Variants in TMEFF2 observed in about 807,000 individuals in gnomAD.
The protein encoded by TMEFF2 is transmembrane protein with EGF like and two follistatin like domains 2.
Under a neutral mutation model 53.8 loss-of-function variants are expected in TMEFF2, and 28 were observed. The observed-to-expected ratio is 0.52, with a 90% CI of 0.39 to 0.71. The LOEUF is 0.71. TMEFF2 is among the 30% of genes least tolerant of loss of function. TMEFF2 has a pLI of 0.00. For missense variants in TMEFF2, 353 were observed against 455.2 expected, an observed-to-expected ratio of 0.78 and a Z score of 2.04; for synonymous variants, 162 against 166.3, an observed-to-expected ratio of 0.97 and a Z score of 0.20.
intron 4 of TMEFF2, among the ~76,000 whole-genome samples, chr2:192,167,287 A>G (rs1460526023): frequency 6.6e-6 from 1 of 152,058 alleles, no homozygotes; most frequent in African/African-American, 2.4e-5. Flanking sequence ...TGGAGTTAGG[A>G]AAAAAAATCT....
chr2:192,009,889 T>C (rs1056228358), intron 5 of TMEFF2, among the ~76,000 whole-genome samples: 1 of 152,206 alleles, frequency 6.6e-6, no homozygotes, highest in Non-Finnish European at 1.5e-5. Context: ...CACTGTACTT[T>C]ATCATTTAAA....
chr2:192,002,295 T>C lies in TMEFF2; in HGVS notation c.537-3087A>G, dbSNP rs149601230. ...TTGAGGTGAAAGTTTCCCTGGGATA[T>C]AAGCTTCAGGAATGCATGGATTATA... On this transcript the variant is annotated intron_variant, in intron 5 of 9. Coordinates refer to ENST00000272771, the MANE Select transcript of TMEFF2 (RefSeq NM_016192.4). Among the ~76,000 whole-genome samples the C allele has an allele frequency of 4.5e-3, 683 of 152,286 alleles. 4 individuals are homozygous for C. The highest frequency in any genetic ancestry group is 0.016 in the African/African-American group (660 of 41,548).
chr2:192,075,520 A>G (rs1453759969), intron 4 of TMEFF2, among the ~76,000 whole-genome samples: 2 of 151,234 alleles, frequency 1.3e-5, no homozygotes, highest in Non-Finnish European at 2.9e-5. Context: ...TACCTTCCCA[A>G]CTGACATCAA....
intron 4 of TMEFF2, among the ~76,000 whole-genome samples, chr2:192,171,458 G>A (rs564973359): frequency 1.2e-4 from 18 of 152,048 alleles, no homozygotes; most frequent in Non-Finnish European, 2.4e-4. Flanking sequence ...TCACCAGTCA[G>A]ATTACAACAT....
At chr2:192,086,003 C>T (rs994462880) in intron 4 of TMEFF2, among the ~76,000 whole-genome samples, 5 of 152,102 alleles carry the variant, frequency 3.3e-5, no homozygotes, top group African/African-American at 9.7e-5. Context: ...TCAATTCCCT[C>T]ATTAGGAAAA....
At chr2:191,953,865 C>T in intron 8 of TMEFF2, 28 bp from the exon 9 acceptor site, 1 of 1,440,656 alleles carries the variant, frequency 6.9e-7, no homozygotes. Flanking sequence ...GCCCAGTTAC[C>T]TGTAGGGTGC....
At chr2:192,130,422 C>T (rs1483603665) in intron 4 of TMEFF2, among the ~76,000 whole-genome samples, 1 of 152,102 alleles carries the variant, frequency 6.6e-6, no homozygotes. Flanking sequence ...CCATCGCATC[C>T]CCTGTGACTT....
rs979688553 is a variant in TMEFF2 at position 192,078,490 on chromosome 2, A to G, written c.440-20715T>C. ...TTAATTCTAGTAGTTGGATCTGGAC[A>G]GCAATAGAGAGTAAGAATTTTTACT... On this transcript the variant is annotated intron_variant, in intron 4 of 9. Transcript: ENST00000272771. 3.9e-5 allele frequency among the ~76,000 whole-genome samples: 6 copies of G among 152,194 alleles called. No homozygotes were observed. In the East Asian group the frequency reaches 1.2e-3, roughly 29 times the overall value.
At chr2:191,978,767 A>G (rs1457904683) in intron 7 of TMEFF2, among the ~76,000 whole-genome samples, 1 of 152,212 alleles carries the variant, frequency 6.6e-6, no homozygotes, top group African/African-American at 2.4e-5. Context: ...GTAGGGAAAC[A>G]TAACTCCCAC....
At chr2:192,046,614 C>T (rs1045227474) in intron 5 of TMEFF2, among the ~76,000 whole-genome samples, 1 of 152,040 alleles carries the variant, frequency 6.6e-6, no homozygotes, top group Non-Finnish European at 1.5e-5. Flanking sequence ...CTTCCTATTC[C>T]TTTGTTTCTC....
intron 7 of TMEFF2, among the ~76,000 whole-genome samples, chr2:191,978,233 C>T (rs1414069986): frequency 1.3e-5 from 2 of 152,076 alleles, no homozygotes; most frequent in Admixed American, 6.5e-5. Context: ...CTCAATTTAT[C>T]GAGAGGCAGG....
intron 5 of TMEFF2, among the ~76,000 whole-genome samples, chr2:192,049,201 C>A (rs563989080): frequency 6.6e-6 from 1 of 151,894 alleles, no homozygotes; most frequent in South Asian, 2.1e-4. Context: ...CTTATATACA[C>A]ACATAATTTA....
intron 9 of TMEFF2, among the ~76,000 whole-genome samples, chr2:191,953,050 T>C (rs1691936112): frequency 1.3e-5 from 2 of 152,236 alleles, no homozygotes; most frequent in African/African-American, 4.8e-5. Flanking sequence ...TTACCACTGG[T>C]TTGCATGCAA....
intron 8 of TMEFF2, 145 bp from the exon 9 acceptor site, chr2:191,953,982 G>T (rs1002269268): frequency 6.3e-6 from 4 of 634,584 alleles, no homozygotes; most frequent in Admixed American, 4.1e-5. Context: ...TCCGCCTCCG[G>T]GTTCACGCCA....
In TMEFF2 at chr2:192,003,758, T is replaced by C. The variant is rs147224854; in HGVS notation, c.537-4550A>G. On this transcript the variant is annotated intron_variant, in intron 5 of 9. Coordinates refer to ENST00000272771, the MANE Select transcript of TMEFF2 (RefSeq NM_016192.4). The stretch of plus-strand genomic sequence containing the variant: ...ATACACATACACACAAACACACAAA[T>C]GTATAGCTCAATGAACTCTACTGAA... 2.9e-3 allele frequency among the ~76,000 whole-genome samples: 435 copies of C among 152,296 alleles called. 8 individuals are homozygous for C. The highest frequency in any genetic ancestry group is 0.026 in the South Asian group (125 of 4,818).
chr2:192,140,609 G>A (rs530254740), intron 4 of TMEFF2, among the ~76,000 whole-genome samples: 14 of 152,204 alleles, frequency 9.2e-5, no homozygotes, highest in Admixed American at 6.5e-4. Flanking sequence ...GGGGGTGAAA[G>A]GTCGGTGAGG....
intron 4 of TMEFF2, among the ~76,000 whole-genome samples, chr2:192,172,369 GA>G (rs1188490962): frequency 1.3e-5 from 2 of 151,832 alleles, no homozygotes; most frequent in Non-Finnish European, 2.9e-5. Flanking sequence ...CACAAGTAAA[GA>G]AATGAAAAAC....
At chr2:192,023,101 ATT>A (rs1270424794) in intron 5 of TMEFF2, among the ~76,000 whole-genome samples, 1 of 151,724 alleles carries the variant, frequency 6.6e-6, no homozygotes, top group Non-Finnish European at 1.5e-5. Flanking sequence ...GATTTATGCT[ATT>A]TTCTGTTTTC....
At chr2:192,172,181 A>ATGGGCC (rs1185935777) in intron 4 of TMEFF2, among the ~76,000 whole-genome samples, 2 of 149,700 alleles carry the variant, frequency 1.3e-5, no homozygotes, top group Admixed American at 1.3e-4. Context: ...CCATCTTGAG[A>ATGGGCC]ACTCATATGG....
Sources: gnomAD v4.1 joint callset for allele counts (sites outside exome capture counted in the v4.1 genomes callset) on GRCh38, gnomAD v4.1.1 for gene constraint, MANE v1.5 for transcripts, NCBI Gene and HGNC (gene_info 2026-07-23, HGNC 2026-07-21) for gene names.